The following EIF3E variants were observed in gnomAD, a reference collection of about 807,000 sequenced individuals.
EIF3E encodes eIF-3 p48.
Under a neutral mutation model 59.3 loss-of-function variants are expected in EIF3E, and 25 were observed. That is an observed-to-expected ratio of 0.42 (90% CI 0.31 to 0.59). The LOEUF (loss-of-function observed/expected upper bound fraction) is 0.59. Among genes scored for constraint, EIF3E ranks in the 20% least tolerant of loss-of-function variants. The probability of loss-of-function intolerance (pLI) is 0.15; values close to 1 mark genes in which losing one functional copy is unlikely to be tolerated. For synonymous variants in EIF3E, 176 were observed against 170.2 expected, an observed-to-expected ratio of 1.03 and a Z score of -0.26; for missense variants, 317 against 534.3, an observed-to-expected ratio of 0.59 and a Z score of 4.01.
chr8:108,215,135 A>C (rs1815277835), intron 9 of EIF3E, among the ~76,000 whole-genome samples: 1 of 152,212 alleles, frequency 6.6e-6, no homozygotes, highest in Non-Finnish European at 1.5e-5. Context: ...CAGATGGTGT[A>C]ATTAAGAGAG....
At chr8:108,229,669 TAC>T (rs1815585252) in intron 5 of EIF3E, among the ~76,000 whole-genome samples, 1 of 152,224 alleles carries the variant, frequency 6.6e-6, no homozygotes, top group Middle Eastern at 3.4e-3. Context: ...TGGAAGTCAG[TAC>T]GGAGAGAGGG....
rs772011864 is a variant in EIF3E, at chr8:108,214,627, G to T, written c.1041C>A (p.Ile347=). Residue 347 remains isoleucine (I), a synonymous_variant, in exon 10 of 13, where the codon ATC becomes ATA. Transcript: ENST00000220849. ...CTTACTTAATGCTGATACACTGGTGGATGCGACAGAAAGTCTCAAATATGA... is the reference window on the plus strand; with the variant it reads ...CTTACTTAATGCTGATACACTGGTGTATGCGACAGAAAGTCTCAAATATGA... ...RLFIFETFCR[I]HQCISINMLA... 6.2e-7 allele frequency: 1 copy of T among 1,608,016 alleles called. No homozygotes were observed. Among genetic ancestry groups the T allele is most frequent in the South Asian group, 1.1e-5 (1 of 89,688 alleles).
At chr8:108,235,240 T>C in intron 4 of EIF3E, 138 bp from the exon 5 acceptor site, 2 of 490,374 alleles carry the variant, frequency 4.1e-6, no homozygotes, top group East Asian at 6.9e-5. Context: ...GTCAAATGTA[T>C]CTCTGATTAT....
At chr8:108,243,742 T>C (rs1815890536) in intron 1 of EIF3E, among the ~76,000 whole-genome samples, 1 of 151,336 alleles carries the variant, frequency 6.6e-6, no homozygotes, top group South Asian at 2.1e-4. Context: ...AAAATATGTA[T>C]CATTGACCAG....
intron 1 of EIF3E, among the ~76,000 whole-genome samples, chr8:108,243,969 CAGGT>C (rs767252356): frequency 1.1e-4 from 17 of 152,192 alleles, no homozygotes; most frequent in Non-Finnish European, 1.8e-4. Context: ...CCTCTACCAT[CAGGT>C]GTTACTGTCC....
chr8:108,221,732 T>G (rs118021020), intron 7 of EIF3E: 2 of 151,304 alleles, frequency 1.3e-5, no homozygotes, highest in East Asian at 3.9e-4. Context: ...GTGGCAAAAG[T>G]GCAACATATC....
chr8:108,235,472 C>T (rs879360006), intron 4 of EIF3E, among the ~76,000 whole-genome samples: 16 of 152,200 alleles, frequency 1.1e-4, no homozygotes, highest in Admixed American at 6.5e-4. Context: ...CTATGAAAAT[C>T]TAATGCCTCC....
intron 7 of EIF3E, among the ~76,000 whole-genome samples, chr8:108,222,458 A>T (rs1310485010): frequency 1.3e-5 from 2 of 152,180 alleles, no homozygotes; most frequent in African/African-American, 4.8e-5. Flanking sequence ...AAGGAATAGG[A>T]GTGGAGATTA....
chr8:108,211,473 T>A (rs1373322946), intron 10 of EIF3E, among the ~76,000 whole-genome samples: 3 of 152,150 alleles, frequency 2.0e-5, no homozygotes, highest in African/African-American at 4.8e-5. Context: ...GTTTAGGTAC[T>A]TTGTAGATTC....
intron 10 of EIF3E, among the ~76,000 whole-genome samples, chr8:108,204,850 G>T (rs534870410): frequency 2.0e-5 from 3 of 149,086 alleles, no homozygotes. Context: ...AGACCATGAA[G>T]ATCTTGATCT....
At chr8:108,225,247 T>A (rs182825326) in intron 7 of EIF3E, among the ~76,000 whole-genome samples, 275 of 151,734 alleles carry the variant, frequency 1.8e-3, no homozygotes, top group South Asian at 3.5e-3. Flanking sequence ...AAACAAATGA[T>A]AAAATTAGAG....
intron 5 of EIF3E, among the ~76,000 whole-genome samples, chr8:108,232,726 ACTC>A (rs2129904744): frequency 6.6e-6 from 1 of 152,218 alleles, no homozygotes; most frequent in South Asian, 2.1e-4. Context: ...CTCTGGCTAA[ACTC>A]CATGTCATTA....
At chr8:108,245,785 C>CT (rs1390959159) in intron 1 of EIF3E, among the ~76,000 whole-genome samples, 6 of 152,132 alleles carry the variant, frequency 3.9e-5, no homozygotes, top group Non-Finnish European at 8.8e-5. Flanking sequence ...CATAAAAAGC[C>CT]TTTATGCCAG....
chr8:108,214,764 C>T (rs372593914), intron 9 of EIF3E, 48 bp from the exon 10 acceptor site: 3 of 1,491,926 alleles, frequency 2.0e-6, no homozygotes, highest in Admixed American at 4.2e-5. Context: ...CAAGCAATTG[C>T]CTGAAACGTG....
intron 12 of EIF3E, among the ~76,000 whole-genome samples, chr8:108,202,654 G>C (rs1815016203): frequency 6.6e-6 from 1 of 151,954 alleles, no homozygotes; most frequent in African/African-American, 2.4e-5. Flanking sequence ...ACTTGAAAGA[G>C]GGCTACACAT....
chr8:108,203,163 A>C, intron 11 of EIF3E, 46 bp from the exon 12 acceptor site: 1 of 1,592,484 alleles, frequency 6.3e-7, no homozygotes, highest in Non-Finnish European at 8.6e-7. Flanking sequence ...TTAATGACTG[A>C]GTTTCTCAGG....
intron 1 of EIF3E, chr8:108,242,443 A>G: frequency 7.8e-7 from 1 of 1,288,656 alleles, no homozygotes; most frequent in Non-Finnish European, 1.0e-6. Context: ...GGGAGCAAAT[A>G]GATACATATA....
chr8:108,236,311 CTTAAATG>C, intron 3 of EIF3E, 108 bp from the exon 4 acceptor site: 1 of 719,084 alleles, frequency 1.4e-6, no homozygotes, highest in Non-Finnish European at 2.3e-6. Context: ...TAAATAAATA[CTTAAATG>C]TTAAAAGACT....
At chr8:108,239,039 T>A (rs1376939497) in intron 3 of EIF3E, among the ~76,000 whole-genome samples, 2 of 152,196 alleles carry the variant, frequency 1.3e-5, no homozygotes, top group East Asian at 3.8e-4. Context: ...AATAATCTTA[T>A]CAGCTCAAAA....
Sources: allele counts gnomAD v4.1 joint callset (sites outside exome capture counted in the v4.1 genomes callset), GRCh38; gene constraint gnomAD v4.1.1; transcripts MANE v1.5; gene names NCBI Gene and HGNC (gene_info 2026-07-23, HGNC 2026-07-21).